Variants in TTPAL observed in about 807,000 individuals in gnomAD.
TTPAL encodes alpha-tocopherol transfer protein-like.
A neutral mutation model predicts 28.7 loss-of-function variants in TTPAL; 21 were observed. That is an observed-to-expected ratio of 0.73 (90% CI 0.52 to 1.06). The LOEUF is 1.06. TTPAL is among the 50% of genes least tolerant of loss of function. The probability of loss-of-function intolerance (pLI) is 0.00; values close to 1 mark genes in which losing one functional copy is unlikely to be tolerated. For synonymous variants in TTPAL, 169 were observed against 171.9 expected (o/e 0.98, Z 0.13); for missense variants, 345 against 425.5 (o/e 0.81, Z 1.67).
At chr20:44,482,563 ACT>A (rs1421553063) in intron 2 of TTPAL, among the ~76,000 whole-genome samples, 4 of 144,424 alleles carry the variant, frequency 2.8e-5, no homozygotes, top group Non-Finnish European at 6.0e-5. Flanking sequence ...ACAGGGCAAG[ACT>A]CTGTCTCAAA....
Position 44,486,665 on chromosome 20 carries a change from G to C in TTPAL, c.709G>C (p.Ala237Pro). ...NEPRIFKGIF[A>P]IIKPFLKEKI... ...ACCTCGAATATTTAAAGGCATTTTTGCCATCATAAAACCATTTCTAAAGGA... is the reference window on the plus strand; with the variant it reads ...ACCTCGAATATTTAAAGGCATTTTTCCCATCATAAAACCATTTCTAAAGGA... Residue 237 changes from alanine to proline, a missense_variant, in exon 4 of 5, where the codon GCC (alanine) becomes CCC (proline). Coordinates refer to ENST00000262605, the MANE Select transcript of TTPAL (RefSeq NM_001039199.3). The C allele has an allele frequency of 6.2e-6, 10 of 1,613,258 alleles. No homozygotes were observed. Among genetic ancestry groups the C allele is most frequent in the Non-Finnish European group, 8.5e-6 (10 of 1,179,592 alleles).
chr20:44,482,471 G>T (rs2064114917), intron 2 of TTPAL, among the ~76,000 whole-genome samples: 1 of 150,934 alleles, frequency 6.6e-6, no homozygotes, highest in Admixed American at 6.6e-5. Context: ...TACCCCGGAG[G>T]CTGAGGCAGG....
chr20:44,494,435 TCA>T lies in TTPAL; in HGVS notation c.*4895_*4896del, dbSNP rs1478745150. 1 of 152,774 alleles carries T rather than the reference TCA, an allele frequency of 6.5e-6. No individual in the cohort carries two copies. The highest frequency in any genetic ancestry group is 2.4e-5 in the African/African-American group (1 of 41,444). 9.5% of individuals were successfully genotyped at this position (152,774 alleles called of 1,614,324 possible). A position where few individuals can be genotyped will look rare whatever the true frequency, so the allele number is the denominator to read the frequency against. On this transcript the variant is annotated 3_prime_UTR_variant, in exon 5 of 5. Transcript: ENST00000262605. ...CACATTCCTTGCTTCAAACTGAAAT[TCA>T]GTTTGGCTTTGAGTATAGGGATACA...
intron 3 of TTPAL, 99 bp from the exon 4 acceptor site, chr20:44,486,497 C>G: frequency 1.3e-6 from 1 of 755,030 alleles, no homozygotes; most frequent in Non-Finnish European, 2.3e-6. Context: ...AGGATCAGAT[C>G]AGACTGATGT....
chr20:44,480,016 ACTCT>A lies in TTPAL; in HGVS notation c.20_23del (p.Ser7Ter), dbSNP rs1050800424. The A allele has an allele frequency of 1.9e-6, 3 of 1,612,894 alleles. No homozygotes were observed. The highest frequency in any genetic ancestry group is 2.5e-6 in the Non-Finnish European group (3 of 1,179,278). ...TGGTAGCTAATGTCCGAAGAAAGTG[ACTCT>A]CTGAGAACCAGCCCTTCTGTGGCCT... On this transcript the variant is annotated frameshift_variant, in exon 2 of 5. Transcript: ENST00000262605. LOFTEE classifies it high-confidence loss of function. This position sits in a 1 kb window ranked among gnomAD's most constrained non-coding sequence, Gnocchi z 4.1.
chr20:44,484,789 T>G (rs189647332), intron 3 of TTPAL, among the ~76,000 whole-genome samples: 1 of 152,312 alleles, frequency 6.6e-6, no homozygotes, highest in Non-Finnish European at 1.5e-5. Flanking sequence ...TGCCTTTTCT[T>G]GGTCTGGAAG....
chr20:44,480,217 G>A lies in TTPAL; in HGVS notation c.218G>A (p.Ser73Asn). The change falls in exon 2 of 5, where the codon AGC becomes AAC. Residue 73 changes from serine to asparagine, a missense_variant. Physicochemically the swap from Ser to Asn is conservative, Grantham distance 46 (BLOSUM62 1). Transcript: ENST00000262605. The surrounding 1 kb of genome is among the most constrained non-coding windows in gnomAD (Gnocchi z 4.1). Reference protein sequence around the residue: ...DMVRKEYPNLSTSLDDAFLLR... With the variant: ...DMVRKEYPNLNTSLDDAFLLR... ...GTGCGGAAGGAGTACCCCAACCTGA[G>A]CACATCCCTCGACGATGCCTTCCTG... The A allele has an allele frequency of 6.2e-7, 1 of 1,614,140 alleles. No homozygotes were observed. Among genetic ancestry groups the A allele is most frequent in the Non-Finnish European group, 8.5e-7 (1 of 1,180,022 alleles).
At position 44,489,312 on chromosome 20, in the gene TTPAL, G is replaced by T; in HGVS notation, c.800G>T (p.Arg267Ile). 6.2e-7 allele frequency: 1 copy of T among 1,614,136 alleles called. No individual in the cohort carries two copies. Among genetic ancestry groups the T allele is most frequent in the Non-Finnish European group, 8.5e-7 (1 of 1,180,030 alleles). ...DLNSLHTNLPRSILPKEYGGT... is the reference protein window; with the variant it reads ...DLNSLHTNLPISILPKEYGGT... The stretch of plus-strand genomic sequence containing the variant: ...AACTCTCTCCACACAAACCTTCCAA[G>T]AAGCATCCTCCCCAAGGAGTATGGG... Residue 267 changes from arginine to isoleucine, a missense_variant, in exon 5 of 5, where the codon AGA (arginine) becomes ATA (isoleucine). Arg to Ile is a moderately conservative substitution (Grantham distance 97). Transcript: ENST00000262605.
intron 4 of TTPAL, among the ~76,000 whole-genome samples, chr20:44,488,598 G>C (rs1204782802): frequency 3.3e-5 from 5 of 152,166 alleles, no homozygotes. Flanking sequence ...GAGGTGGGAA[G>C]GGTTGCAGTA....
At chr20:44,486,563 G>C (rs748554914) in intron 3 of TTPAL, 33 bp from the exon 4 acceptor site, 2 of 1,307,998 alleles carry the variant, frequency 1.5e-6, no homozygotes, top group Non-Finnish European at 2.2e-6. Context: ...AGATTCTCCA[G>C]ATGTTCTAAA....
At chr20:44,487,397 A>G (rs935355113) in intron 4 of TTPAL, among the ~76,000 whole-genome samples, 1 of 152,158 alleles carries the variant, frequency 6.6e-6, no homozygotes, top group African/African-American at 2.4e-5. Context: ...GGCTTGAACA[A>G]TGGGCTATGG....
chr20:44,480,276 G>T lies in TTPAL; in HGVS notation c.277G>T (p.Asp93Tyr), dbSNP rs1177150562. ...RFLRARKFDY[D>Y]RALQLLVNYH... Reference sequence around the variant, plus strand: ...CCTCCGAGCCCGCAAGTTTGATTACGACCGGGCCCTGCAGCTCCTCGTCAA... The same window carrying T: ...CCTCCGAGCCCGCAAGTTTGATTACTACCGGGCCCTGCAGCTCCTCGTCAA... The change falls in exon 2 of 5, where the codon GAC (aspartate) becomes TAC (tyrosine). Residue 93 changes from aspartate to tyrosine, a missense_variant. By Grantham distance (160) the Asp-to-Tyr change is radical. Coordinates refer to ENST00000262605, the MANE Select transcript of TTPAL (RefSeq NM_001039199.3). This position sits in a 1 kb window ranked among gnomAD's most constrained non-coding sequence, Gnocchi z 4.1. 2 of 1,613,992 alleles carry T rather than the reference G, an allele frequency of 1.2e-6. No homozygotes were observed. Among genetic ancestry groups the T allele is most frequent in the African/African-American group, 1.3e-5 (1 of 74,894 alleles).
chr20:44,480,280 G>C lies in TTPAL; in HGVS notation c.281G>C (p.Arg94Pro). Residue 94 changes from arginine (R) to proline (P), a missense_variant, in exon 2 of 5, where the codon CGG becomes CCG. Arg to Pro is a moderately radical substitution (Grantham distance 103). Transcript: ENST00000262605. This position sits in a 1 kb window ranked among gnomAD's most constrained non-coding sequence, Gnocchi z 4.1. ...FLRARKFDYD[R>P]ALQLLVNYHS... ...CGAGCCCGCAAGTTTGATTACGACC[G>C]GGCCCTGCAGCTCCTCGTCAACTAC... 1 of 1,614,152 alleles carries C rather than the reference G, an allele frequency of 6.2e-7. No homozygotes were observed.
At position 44,477,983 on chromosome 20, in the gene TTPAL, G is replaced by A. The variant is rs139529139; in HGVS notation, c.-16+1992G>A. On this transcript the variant is annotated intron_variant, in intron 1 of 4. Transcript: ENST00000262605. The stretch of plus-strand genomic sequence containing the variant: ...GAAAAAATTTAAAAATTAGCCAGGC[G>A]TGGTGTGTGCCTATAGTCCCAGCTA... Among the ~76,000 whole-genome samples, 16 of 152,338 alleles carry A rather than the reference G, an allele frequency of 1.1e-4. No individual in the cohort carries two copies. In the East Asian group the frequency reaches 1.2e-3, roughly 11 times the overall value.
intron 2 of TTPAL, among the ~76,000 whole-genome samples, chr20:44,481,537 C>T (rs150547723): frequency 1.3e-5 from 2 of 152,320 alleles, no homozygotes; most frequent in African/African-American, 4.8e-5. Context: ...CTAGCCTCAA[C>T]ATTTTCCATC....
Position 44,489,469 on chromosome 20 carries a change from G to A in TTPAL, c.957G>A (p.Glu319=), listed in dbSNP as rs757245667. 1 of 1,614,130 alleles carries A rather than the reference G, an allele frequency of 6.2e-7. No homozygotes were observed. Reference sequence around the variant, plus strand: ...TCCTGGGCCAGACGCTGCTGCCCGAGGGCCTGACCTCAGATGCACAGTGTG... The same window carrying A: ...TCCTGGGCCAGACGCTGCTGCCCGAAGGCCTGACCTCAGATGCACAGTGTG... The part of the protein sequence containing the change: ...DSILGQTLLP[E]GLTSDAQCDD... Residue 319 remains glutamate, a synonymous_variant, in exon 5 of 5, where the codon GAG becomes GAA. Transcript: ENST00000262605.
intron 1 of TTPAL, among the ~76,000 whole-genome samples, chr20:44,479,758 A>C (rs1250193564): frequency 6.6e-6 from 1 of 152,094 alleles, no homozygotes; most frequent in Non-Finnish European, 1.5e-5. Flanking sequence ...TTTATTAGGG[A>C]GTGTATAGTC....
At chr20:44,482,624 G>T (rs2064116788) in intron 2 of TTPAL, among the ~76,000 whole-genome samples, 1 of 151,504 alleles carries the variant, frequency 6.6e-6, no homozygotes, top group African/African-American at 2.4e-5. Flanking sequence ...CCCATTGTTG[G>T]CAAATGGGAA....
At position 44,480,051 on chromosome 20, in the gene TTPAL, T is replaced by A; in HGVS notation, c.52T>A (p.Ser18Thr). The A allele has an allele frequency of 1.9e-6, 3 of 1,614,096 alleles. No homozygotes were observed. Among genetic ancestry groups the A allele is most frequent in the Non-Finnish European group, 2.5e-6 (3 of 1,180,006 alleles). ...LRTSPSVASL[S>T]ENELPPPPEP... ...AACCAGCCCTTCTGTGGCCTCACTC[T>A]CTGAAAATGAGCTGCCACCACCACC... The change falls in exon 2 of 5, where the codon TCT becomes ACT. Residue 18 changes from serine (S) to threonine (T), a missense_variant. Coordinates refer to ENST00000262605, the MANE Select transcript of TTPAL (RefSeq NM_001039199.3). The surrounding 1 kb of genome is among the most constrained non-coding windows in gnomAD (Gnocchi z 4.1).
Sources: gnomAD v4.1 joint callset for allele counts (sites outside exome capture counted in the v4.1 genomes callset) on GRCh38, gnomAD v4.1.1 for gene constraint, Gnocchi (gnomAD v3.1) non-coding constraint, MANE v1.5 for transcripts, NCBI Gene and HGNC (gene_info 2026-07-23, HGNC 2026-07-21) for gene names.